Variants in PPFIA2 observed in about 807,000 individuals in gnomAD.
The protein encoded by PPFIA2 is PPFI scaffold protein A2.
Under a neutral mutation model 175.5 loss-of-function variants are expected in PPFIA2, and 46 were observed. The observed-to-expected ratio is 0.26, with a 90% CI of 0.21 to 0.34. The LOEUF is 0.34. Ranked by LOEUF, PPFIA2 falls within the 10% of genes least tolerant of loss-of-function variation. PPFIA2 has a pLI of 1.00. For synonymous variants in PPFIA2, 568 were observed against 511.4 expected, an observed-to-expected ratio of 1.11 and a Z score of -1.49; for missense variants, 1,179 against 1,506.1, an observed-to-expected ratio of 0.78 and a Z score of 3.60.
At chr12:81,605,535 T>C (rs1237658992) in intron 4 of PPFIA2, among the ~76,000 whole-genome samples, 1 of 151,844 alleles carries the variant, frequency 6.6e-6, no homozygotes, top group Non-Finnish European at 1.5e-5. Context: ...CCATATGGAA[T>C]GAAATTTGCA....
chr12:81,539,026 C>T (rs532721552), intron 4 of PPFIA2, among the ~76,000 whole-genome samples: 4 of 151,830 alleles, frequency 2.6e-5, no homozygotes, highest in Admixed American at 1.3e-4. Context: ...ATAGAGGTGG[C>T]GAAATGTGGT....
intron 8 of PPFIA2, among the ~76,000 whole-genome samples, chr12:81,398,455 G>T (rs1377093880): frequency 6.6e-6 from 1 of 151,650 alleles, no homozygotes; most frequent in Non-Finnish European, 1.5e-5. Flanking sequence ...TAGTTTTTAT[G>T]CTGCCTTTTC....
At chr12:81,384,286 C>T (rs977830671) in intron 8 of PPFIA2, 42 bp from the exon 9 acceptor site, 1 of 1,263,542 alleles carries the variant, frequency 7.9e-7, no homozygotes, top group Admixed American at 3.1e-5. Context: ...GAATTTTCAT[C>T]TTTAATTTAA....
chr12:81,552,704 C>A (rs967367237), intron 4 of PPFIA2, among the ~76,000 whole-genome samples: 1 of 151,938 alleles, frequency 6.6e-6, no homozygotes, highest in African/African-American at 2.4e-5. Flanking sequence ...CAACTCAGTT[C>A]AATTAATACT....
intron 4 of PPFIA2, chr12:81,506,034 C>G (rs1322611959): frequency 1.3e-5 from 2 of 152,198 alleles, no homozygotes; most frequent in African/African-American, 4.8e-5. Context: ...TCGATTTTCT[C>G]ACGTCCCTGA....
At chr12:81,579,833 T>C (rs912141685) in intron 4 of PPFIA2, among the ~76,000 whole-genome samples, 4 of 152,006 alleles carry the variant, frequency 2.6e-5, no homozygotes, top group African/African-American at 9.6e-5. Context: ...TATTTTTGCA[T>C]AGGCATCACC....
chr12:81,493,002 A>G (rs2059581707), intron 4 of PPFIA2, among the ~76,000 whole-genome samples: 1 of 152,062 alleles, frequency 6.6e-6, no homozygotes, highest in South Asian at 2.1e-4. Flanking sequence ...TATGTGGGTG[A>G]GAGATAAAGA....
intron 4 of PPFIA2, among the ~76,000 whole-genome samples, chr12:81,627,590 A>G (rs1456782222): frequency 6.6e-6 from 1 of 152,144 alleles, no homozygotes; most frequent in Non-Finnish European, 1.5e-5. Flanking sequence ...CAATACCACA[A>G]TCTAAAGGGC....
At chr12:81,398,517 A>G (rs2142561549) in intron 8 of PPFIA2, among the ~76,000 whole-genome samples, 2 of 152,042 alleles carry the variant, frequency 1.3e-5, no homozygotes, top group South Asian at 4.1e-4. Context: ...TTTATCTCCA[A>G]TCCCCCTGTT....
At chr12:81,567,557 G>A (rs536693356) in intron 4 of PPFIA2, among the ~76,000 whole-genome samples, 6 of 152,136 alleles carry the variant, frequency 3.9e-5, no homozygotes, top group South Asian at 4.2e-4. Context: ...TGAGAGGAGG[G>A]GTCTACAGAT....
intron 9 of PPFIA2, among the ~76,000 whole-genome samples, chr12:81,380,301 G>A (rs1290963832): frequency 2.0e-5 from 3 of 152,056 alleles, no homozygotes; most frequent in African/African-American, 7.2e-5. Context: ...AGGAGTTCGA[G>A]GTTGCAGTGA....
At chr12:81,586,928 A>T (rs2075378969) in intron 4 of PPFIA2, among the ~76,000 whole-genome samples, 1 of 152,010 alleles carries the variant, frequency 6.6e-6, no homozygotes, top group Non-Finnish European at 1.5e-5. Flanking sequence ...GTTAATCTTG[A>T]GTTCCATCTT....
At chr12:81,433,311 CT>C (rs1205730198) in intron 7 of PPFIA2, among the ~76,000 whole-genome samples, 1 of 152,166 alleles carries the variant, frequency 6.6e-6, no homozygotes, top group Non-Finnish European at 1.5e-5. Flanking sequence ...CAAATGCTGT[CT>C]TTTTAGGTTG....
chr12:81,321,617 T>C (rs1216588968), intron 22 of PPFIA2, among the ~76,000 whole-genome samples: 1 of 152,128 alleles, frequency 6.6e-6, no homozygotes, highest in Non-Finnish European at 1.5e-5. Flanking sequence ...CTTCCAGTTA[T>C]GCTTTTTTTT....
intron 4 of PPFIA2, among the ~76,000 whole-genome samples, chr12:81,514,133 T>G (rs1362155004): frequency 1.3e-5 from 2 of 151,962 alleles, no homozygotes; most frequent in African/African-American, 4.8e-5. Context: ...TAATTAAAAT[T>G]TATTCATTGA....
chr12:81,711,706 C>T (rs990283021), intron 3 of PPFIA2, among the ~76,000 whole-genome samples: 2 of 150,502 alleles, frequency 1.3e-5, no homozygotes, highest in Non-Finnish European at 2.9e-5. Flanking sequence ...ATCAGCTTGA[C>T]TCTACTAAAA....
At chr12:81,671,161 G>T (rs1000993031) in intron 4 of PPFIA2, among the ~76,000 whole-genome samples, 8 of 151,550 alleles carry the variant, frequency 5.3e-5, no homozygotes, top group African/African-American at 1.7e-4. Context: ...GCTCTATCTC[G>T]TTGGTTTCTT....
intron 8 of PPFIA2, among the ~76,000 whole-genome samples, chr12:81,395,350 A>G (rs1007135670): frequency 3.2e-4 from 48 of 152,100 alleles, no homozygotes; most frequent in African/African-American, 1.1e-3. Flanking sequence ...ATATGTACAC[A>G]TGGTAAAACA....
Position 81,263,360 on chromosome 12 carries a change from T to A in PPFIA2, c.3586A>T (p.Thr1196Ser). Residue 1196 changes from threonine to serine, a missense_variant, in exon 31 of 33, where the codon ACC becomes TCC. By Grantham distance (58) the Thr-to-Ser change is moderately conservative (BLOSUM62 1). This residue lies in a region of PPFIA2 where 245 missense variants were observed against 375.1 expected (regional missense o/e 0.65). Transcript: ENST00000549396. ...CGAGGAGGAAACTGCCTTCTCCAGG[T>A]TGATCCACGTCTGAAGTTCTTGTCA... is the stretch of plus-strand genomic sequence containing the variant. ...SDDKNFRRGS[T>S]WRRQFPPREV... The A allele has an allele frequency of 6.2e-7, 1 of 1,613,500 alleles. No homozygotes were observed. The highest frequency in any genetic ancestry group is 8.5e-7 in the Non-Finnish European group (1 of 1,179,472).
Sources: gnomAD v4.1 joint callset for allele counts (sites outside exome capture counted in the v4.1 genomes callset) on GRCh38, gnomAD v4.1.1 for gene constraint, gnomAD v4.1.1 regional missense constraint, MANE v1.5 for transcripts, NCBI Gene and HGNC (gene_info 2026-07-23, HGNC 2026-07-21) for gene names.